The following TPTE2 variants were observed in gnomAD, a reference collection of about 807,000 sequenced individuals.
TPTE2 encodes the protein transmembrane phosphoinositide 3-phosphatase and tensin homolog 2.
In TPTE2, 53 loss-of-function variants were observed where a neutral mutation model predicts 78.6. The ratio of observed to expected loss-of-function variants is 0.67; its 90% CI spans 0.54 to 0.85. TPTE2 has a LOEUF of 0.85. TPTE2 is among the 40% of genes least tolerant of loss of function. TPTE2 has a pLI of 0.00. For missense variants in TPTE2, 461 were observed against 623.0 expected, an observed-to-expected ratio of 0.74 and a Z score of 2.77; for synonymous variants, 175 against 206.2, an observed-to-expected ratio of 0.85 and a Z score of 1.30.
intron 6 of TPTE2, 130 bp from the exon 10 acceptor site, chr13:19,467,474 T>C: frequency 2.7e-6 from 2 of 750,076 alleles, no homozygotes; most frequent in Non-Finnish European, 3.8e-6. Flanking sequence ...TAAAATGTAT[T>C]TTCTAGAGTA....
At chr13:19,488,716 C>T (rs893151106) in intron 3 of TPTE2, among the ~76,000 whole-genome samples, 1 of 152,216 alleles carries the variant, frequency 6.6e-6, no homozygotes, top group Non-Finnish European at 1.5e-5. Context: ...CTGGTTTGAT[C>T]ATTTATCCAG....
intron 1 of TPTE2, among the ~76,000 whole-genome samples, chr13:19,510,678 C>T (rs1869375520): frequency 1.3e-5 from 2 of 152,184 alleles, no homozygotes; most frequent in South Asian, 4.1e-4. Flanking sequence ...ACAAATGTAA[C>T]ATAATCACTT....
At chr13:19,488,037 G>A (rs957678238) in intron 3 of TPTE2, among the ~76,000 whole-genome samples, 1 of 152,140 alleles carries the variant, frequency 6.6e-6, no homozygotes, top group Admixed American at 6.5e-5. Flanking sequence ...AATCCAGATG[G>A]GGCAGAAGGG....
chr13:19,515,850 C>G (rs1056882538), intron 1 of TPTE2, among the ~76,000 whole-genome samples: 2 of 152,162 alleles, frequency 1.3e-5, no homozygotes, highest in African/African-American at 2.4e-5. Flanking sequence ...GGAAGACATT[C>G]AAATTACTCC....
intron 1 of TPTE2, among the ~76,000 whole-genome samples, chr13:19,532,993 C>T (rs1371367641): frequency 6.6e-6 from 1 of 152,158 alleles, no homozygotes; most frequent in Non-Finnish European, 1.5e-5. Flanking sequence ...ACACTATACT[C>T]TGATGTCTAG....
chr13:19,469,621 G>A (rs901565319), intron 6 of TPTE2, among the ~76,000 whole-genome samples: 1 of 151,976 alleles, frequency 6.6e-6, no homozygotes, highest in Admixed American at 6.6e-5. Context: ...GGATAGTATG[G>A]ACATTTTAAC....
rs1871121104 is a variant in TPTE2, at chr13:19,535,058, G to GC, written c.-44+1537dup. The stretch of plus-strand genomic sequence containing the variant: ...ATCTCTACCAAAAATACAGAAATTA[G>GC]CCAGGCGTGGTGGCGGGCACATGCA... On this transcript the variant is annotated intron_variant, in intron 1 of 17. Transcript: ENST00000390680. This position sits in a 1 kb window ranked among gnomAD's most constrained non-coding sequence, Gnocchi z 5.1. Among the ~76,000 whole-genome samples, 2 of 151,988 alleles carry GC rather than the reference G, an allele frequency of 1.3e-5. No individual in the cohort carries two copies. The highest frequency in any genetic ancestry group is 4.2e-4 in the South Asian group (2 of 4,810).
intron 10 of TPTE2, among the ~76,000 whole-genome samples, chr13:19,456,744 C>T (rs1008471552): frequency 3.9e-5 from 6 of 152,062 alleles, no homozygotes; most frequent in Non-Finnish European, 7.4e-5. Flanking sequence ...GTAGTCAATG[C>T]CCAAGTCAAA....
At chr13:19,439,369 C>T (rs1432458468) in intron 13 of TPTE2, among the ~76,000 whole-genome samples, 1 of 151,718 alleles carries the variant, frequency 6.6e-6, no homozygotes, top group Non-Finnish European at 1.5e-5. Flanking sequence ...AAAGACCCTA[C>T]CCAGCATGCT....
chr13:19,546,724 AG>A, the TPTE2 span, among the ~76,000 whole-genome samples: 1 of 151,896 alleles, frequency 6.6e-6, no homozygotes, highest in East Asian at 1.9e-4. Context: ...TCCTGACCTC[AG>A]GTGATCCACC....
chr13:19,493,983 C>T (rs530526401), intron 1 of TPTE2, among the ~76,000 whole-genome samples: 1 of 152,314 alleles, frequency 6.6e-6, no homozygotes, highest in East Asian at 1.9e-4. Flanking sequence ...CACCTGCCTC[C>T]GTGGTGGCAG....
chr13:19,548,513 A>G, the TPTE2 span, among the ~76,000 whole-genome samples: 1 of 152,150 alleles, frequency 6.6e-6, no homozygotes, highest in Non-Finnish European at 1.5e-5. Flanking sequence ...CATAGAGGAT[A>G]TGTAAGAATT....
At chr13:19,554,597 T>C in the TPTE2 span, among the ~76,000 whole-genome samples, 21 of 152,128 alleles carry the variant, frequency 1.4e-4, no homozygotes, top group Admixed American at 6.5e-4. Context: ...TTTGTACATA[T>C]CTGTAATATT....
chr13:19,524,114 AACTG>A lies in TPTE2; in HGVS notation c.-44+12478_-44+12481del, dbSNP rs200291285. ...CTGGGGATCTAGAATTTTTCTGGTT[AACTG>A]ACTAATAGGATTTAAACCTGACAAA... is the stretch of plus-strand genomic sequence containing the variant. On this transcript the variant is annotated intron_variant, in intron 1 of 17. Transcript: ENST00000390680. Among the ~76,000 whole-genome samples, 64 of 152,348 alleles carry A rather than the reference AACTG, an allele frequency of 4.2e-4. No homozygotes were observed. The East Asian group carries it at 0.012, about 28-fold the overall frequency.
chr13:19,477,172 T>G (rs1361447421), intron 4 of TPTE2, among the ~76,000 whole-genome samples: 3 of 151,620 alleles, frequency 2.0e-5, no homozygotes, highest in Admixed American at 2.0e-4. Flanking sequence ...TAAGGACGGA[T>G]GAACACAAAG....
intron 1 of TPTE2, among the ~76,000 whole-genome samples, chr13:19,525,988 G>A (rs1870472696): frequency 6.6e-6 from 1 of 152,012 alleles, no homozygotes; most frequent in African/African-American, 2.4e-5. Flanking sequence ...ACTACAATGA[G>A]ATACCATCTC....
At chr13:19,426,906 T>C (rs762563545) in intron 17 of TPTE2, among the ~76,000 whole-genome samples, 14 of 151,750 alleles carry the variant, frequency 9.2e-5, no homozygotes, top group South Asian at 2.1e-4. Context: ...GGTTTCACTG[T>C]ATTAGCCAGG....
At chr13:19,481,373 G>A (rs1880345848) in intron 4 of TPTE2, among the ~76,000 whole-genome samples, 1 of 152,078 alleles carries the variant, frequency 6.6e-6, no homozygotes, top group Non-Finnish European at 1.5e-5. Context: ...GTTTACATTT[G>A]AATAATCTGA....
At chr13:19,493,671 T>C in intron 1 of TPTE2, 170 bp from the exon 5 acceptor site, 1 of 704,568 alleles carries the variant, frequency 1.4e-6, no homozygotes, top group Non-Finnish European at 2.5e-6. Context: ...GAAATGAGGA[T>C]GTATATGACG....
Sources: allele counts gnomAD v4.1 joint callset (sites outside exome capture counted in the v4.1 genomes callset), GRCh38; gene constraint gnomAD v4.1.1; non-coding constraint Gnocchi (gnomAD v3.1); transcripts MANE v1.5; gene names NCBI Gene and HGNC (gene_info 2026-07-23, HGNC 2026-07-21).